Variants in PCDHA6 observed in about 807,000 individuals in gnomAD.
PCDHA6 encodes protocadherin alpha-6.
In PCDHA6, 55 loss-of-function variants were observed where a neutral mutation model predicts 60.3. The ratio of observed to expected loss-of-function variants is 0.91; its 90% CI spans 0.73 to 1.14. The LOEUF is 1.14. PCDHA6 is among the 50% of genes most tolerant of loss of function. The pLI is 0.00. For missense variants in PCDHA6, 1,327 were observed against 1,256.5 expected, an observed-to-expected ratio of 1.06 and a Z score of -0.85; for synonymous variants, 652 against 557.9, an observed-to-expected ratio of 1.17 and a Z score of -2.38.
chr5:140,832,356 T>A (rs1012512842), intron 1 of PCDHA6, among the ~76,000 whole-genome samples: 1 of 152,250 alleles, frequency 6.6e-6, no homozygotes, highest in East Asian at 1.9e-4. Flanking sequence ...TGTTTCCTAA[T>A]GTGAGCATTT....
intron 1 of PCDHA6, among the ~76,000 whole-genome samples, chr5:140,964,823 G>A (rs541084771): frequency 2.6e-5 from 4 of 152,218 alleles, no homozygotes; most frequent in Non-Finnish European, 1.5e-5. Context: ...AGATTTTGAT[G>A]AAAATTGCTT....
At chr5:140,920,616 C>T (rs929240808) in intron 1 of PCDHA6, among the ~76,000 whole-genome samples, 3 of 152,128 alleles carry the variant, frequency 2.0e-5, no homozygotes, top group Admixed American at 1.3e-4. Context: ...GAGGCCGAGG[C>T]GGATGGATCA....
chr5:140,924,103 TC>T (rs1377290150), intron 1 of PCDHA6, among the ~76,000 whole-genome samples: 1 of 152,234 alleles, frequency 6.6e-6, no homozygotes, highest in African/African-American at 2.4e-5. Flanking sequence ...AAATTTTCAT[TC>T]CAAAGCAGTT....
intron 1 of PCDHA6, chr5:140,843,642 C>G (rs1352929745): frequency 1.9e-6 from 3 of 1,595,362 alleles, no homozygotes; most frequent in Non-Finnish European, 2.6e-6. Context: ...GCCTTCAGCC[C>G]CTGCCTTCCT....
At chr5:140,965,312 C>G (rs543157988) in intron 1 of PCDHA6, among the ~76,000 whole-genome samples, 1 of 152,258 alleles carries the variant, frequency 6.6e-6, no homozygotes, top group East Asian at 1.9e-4. Context: ...TCTACCTTCT[C>G]TTTTACTGAA....
chr5:140,873,079 T>TC (rs544069393), intron 1 of PCDHA6, among the ~76,000 whole-genome samples: 14 of 151,958 alleles, frequency 9.2e-5, no homozygotes, highest in African/African-American at 2.4e-4. Context: ...TCTAGCTATT[T>TC]CCCCCCCGTA....
chr5:141,004,682 T>G (rs1002761253), intron 3 of PCDHA6, among the ~76,000 whole-genome samples: 2 of 152,184 alleles, frequency 1.3e-5, no homozygotes, highest in South Asian at 4.1e-4. Flanking sequence ...TGTGGAGTGG[T>G]GCTGAAACCC....
At chr5:140,911,654 T>C (rs1554194855) in intron 1 of PCDHA6, among the ~76,000 whole-genome samples, 1 of 152,218 alleles carries the variant, frequency 6.6e-6, no homozygotes, top group Non-Finnish European at 1.5e-5. Flanking sequence ...ATAGAGTTAC[T>C]AAACTCCTTG....
chr5:140,879,479 G>A (rs992823540), intron 1 of PCDHA6, among the ~76,000 whole-genome samples: 10 of 152,196 alleles, frequency 6.6e-5, no homozygotes, highest in Non-Finnish European at 1.3e-4. Context: ...GTTGTGATTG[G>A]AAATATGGGT....
At chr5:140,834,311 T>C in intron 1 of PCDHA6, 2 of 1,357,576 alleles carry the variant, frequency 1.5e-6, no homozygotes, top group Non-Finnish European at 2.0e-6. Context: ...GAGATTGAAA[T>C]GAAGGGATAA....
At chr5:141,003,052 A>G (rs782531629) in intron 3 of PCDHA6, among the ~76,000 whole-genome samples, 17 of 152,230 alleles carry the variant, frequency 1.1e-4, no homozygotes, top group Non-Finnish European at 1.9e-4. Context: ...CCTTAACAGA[A>G]CAGTTCCAAA....
In PCDHA6 at chr5:141,011,628, A is replaced by G. The variant is rs568783669; in HGVS notation, c.*1691A>G. On this transcript the variant is annotated 3_prime_UTR_variant, in exon 4 of 4. Coordinates refer to ENST00000529310, the MANE Select transcript of PCDHA6 (RefSeq NM_018909.4). ...TTTATTTATGGTCCAGCCAAGAGCC[A>G]TCTCGTGCCAAGACTTCTGCTGGCA... is the stretch of plus-strand genomic sequence containing the variant. The G allele has an allele frequency of 6.5e-6, 1 of 153,882 alleles. No homozygotes were observed. Among genetic ancestry groups the G allele is most frequent in the East Asian group, 1.9e-4 (1 of 5,186 alleles). 9.5% of individuals were successfully genotyped at this position (153,882 alleles called of 1,614,324 possible).
intron 2 of PCDHA6, chr5:140,982,197 A>G: frequency 1.5e-5 from 6 of 389,618 alleles, no homozygotes; most frequent in Non-Finnish European, 2.1e-5. Flanking sequence ...TTCCTGTTAG[A>G]TTTAGTGAGC....
At chr5:141,007,318 A>C (rs2098314985) in intron 3 of PCDHA6, among the ~76,000 whole-genome samples, 1 of 151,736 alleles carries the variant, frequency 6.6e-6, no homozygotes, top group South Asian at 2.1e-4. Flanking sequence ...TGGGAGGCTA[A>C]AGTGGACAGA....
At chr5:140,915,772 G>A (rs1282338375) in intron 1 of PCDHA6, among the ~76,000 whole-genome samples, 1 of 151,950 alleles carries the variant, frequency 6.6e-6, no homozygotes, top group East Asian at 1.9e-4. Flanking sequence ...CTTGTCCAAG[G>A]CCTGCTGTAA....
At chr5:140,843,457 G>C (rs2150360487) in intron 1 of PCDHA6, 4 of 1,596,058 alleles carry the variant, frequency 2.5e-6, no homozygotes, top group Admixed American at 1.7e-5. Flanking sequence ...GCCTGCTGGT[G>C]CTCACGCTGC....
At chr5:140,866,641 A>C (rs567516921) in intron 1 of PCDHA6, 3 of 152,226 alleles carry the variant, frequency 2.0e-5, no homozygotes, top group African/African-American at 2.4e-5. Flanking sequence ...ACGGTGTCAA[A>C]ATTTATTTAT....
In PCDHA6 at chr5:140,847,506, T is replaced by C. The variant is rs1397904253; in HGVS notation, c.2394+17021T>C. ...GATAGTAAAACTCACAACAAAACTT[T>C]GTAGAACTTAGTCAGGAAAAGAATC... On this transcript the variant is annotated intron_variant, in intron 1 of 3. Transcript: ENST00000529310. 2.0e-5 allele frequency: 3 copies of C among 149,790 alleles called. No individual in the cohort carries two copies. The Admixed American group carries it at 2.0e-4, about 10-fold the overall frequency. The allele number at this position is 149,790 out of a possible 1,614,324, so 9.3% of individuals were successfully genotyped here. A position where few individuals can be genotyped will look rare whatever the true frequency, so the allele number is the denominator to read the frequency against.
chr5:140,834,317 G>T, intron 1 of PCDHA6: 1 of 1,393,006 alleles, frequency 7.2e-7, no homozygotes, highest in Non-Finnish European at 9.8e-7. Context: ...GAAATGAAGG[G>T]ATAAAAACAT....
Sources: gnomAD v4.1 joint callset for allele counts (sites outside exome capture counted in the v4.1 genomes callset) on GRCh38, gnomAD v4.1.1 for gene constraint, MANE v1.5 for transcripts, NCBI Gene and HGNC (gene_info 2026-07-23, HGNC 2026-07-21) for gene names.